TRAPPC9: variants seen among roughly 807,000 people sequenced by gnomAD.
The protein encoded by TRAPPC9 is IKK2 binding protein.
In TRAPPC9, 83 loss-of-function variants were observed where a neutral mutation model predicts 124.0. The observed-to-expected ratio is 0.67, with a 90% CI of 0.56 to 0.80. TRAPPC9 has a LOEUF of 0.80. Among genes scored for constraint, TRAPPC9 ranks in the 30% least tolerant of loss-of-function variants. TRAPPC9 has a pLI of 0.00. For missense variants in TRAPPC9, 1,302 were observed against 1,508.3 expected, an observed-to-expected ratio of 0.86 and a Z score of 2.27; for synonymous variants, 638 against 617.5, an observed-to-expected ratio of 1.03 and a Z score of -0.49.
chr8:140,044,995 C>A (rs1324998629), intron 17 of TRAPPC9, among the ~76,000 whole-genome samples: 1 of 152,148 alleles, frequency 6.6e-6, no homozygotes, highest in Non-Finnish European at 1.5e-5. Flanking sequence ...AAGGAATCGC[C>A]AAGATTGAAA....
intron 21 of TRAPPC9, among the ~76,000 whole-genome samples, chr8:139,771,446 G>A (rs1820954825): frequency 6.6e-6 from 1 of 152,158 alleles, no homozygotes; most frequent in African/African-American, 2.4e-5. Context: ...TGAACCCAGA[G>A]TGTCTAGGCA....
intron 15 of TRAPPC9, among the ~76,000 whole-genome samples, chr8:140,272,491 G>A (rs188897590): frequency 2.0e-4 from 30 of 150,384 alleles, no homozygotes; most frequent in East Asian, 1.3e-3. Context: ...TGGTGGCAGC[G>A]GTGATGCCGG....
intron 11 of TRAPPC9, among the ~76,000 whole-genome samples, chr8:140,299,886 A>C (rs754100466): frequency 6.6e-6 from 1 of 152,192 alleles, no homozygotes; most frequent in Non-Finnish European, 1.5e-5. Flanking sequence ...TGTTCACAAA[A>C]GAACATAACA....
chr8:140,070,773 A>G (rs1256504238), intron 17 of TRAPPC9, among the ~76,000 whole-genome samples: 1 of 152,226 alleles, frequency 6.6e-6, no homozygotes, highest in Admixed American at 6.5e-5. Context: ...AGAGCCACAC[A>G]TGATCAAAGC....
chr8:139,747,311 C>A (rs1236683552), intron 21 of TRAPPC9, among the ~76,000 whole-genome samples: 1 of 152,000 alleles, frequency 6.6e-6, no homozygotes, highest in Non-Finnish European at 1.5e-5. Context: ...CGGTCAGCAC[C>A]CAGGGGGTTT....
At chr8:140,410,963 T>G (rs952707416) in intron 5 of TRAPPC9, among the ~76,000 whole-genome samples, 9 of 152,098 alleles carry the variant, frequency 5.9e-5, no homozygotes, top group South Asian at 2.1e-4. Flanking sequence ...TAATGATATA[T>G]AAACAGCAAT....
intron 16 of TRAPPC9, among the ~76,000 whole-genome samples, chr8:140,226,490 G>T (rs573364377): frequency 6.6e-6 from 1 of 151,456 alleles, no homozygotes; most frequent in South Asian, 2.1e-4. Context: ...TACTGGGGAG[G>T]CTAAGACAGG....
At chr8:140,024,172 T>C (rs1360677613) in intron 17 of TRAPPC9, 93 bp from the exon 18 acceptor site, 1 of 1,478,284 alleles carries the variant, frequency 6.8e-7, no homozygotes, top group African/African-American at 1.4e-5. Flanking sequence ...TTAGGAAGAG[T>C]CTGAAGATAA....
chr8:140,071,644 C>T (rs4392876), intron 17 of TRAPPC9, among the ~76,000 whole-genome samples: 51,366 of 151,882 alleles, frequency 0.34, 10,635 homozygotes, highest in Middle Eastern at 0.53. Flanking sequence ...GGGACGGTAA[C>T]GCCTGCCCCA....
At chr8:139,869,148 A>T (rs980205234) in intron 21 of TRAPPC9, among the ~76,000 whole-genome samples, 7 of 152,248 alleles carry the variant, frequency 4.6e-5, no homozygotes, top group African/African-American at 1.7e-4. Flanking sequence ...CTTATGAATT[A>T]AAAAGACTTT....
chr8:140,217,163 G>A (rs923541020), intron 17 of TRAPPC9, among the ~76,000 whole-genome samples: 1 of 152,244 alleles, frequency 6.6e-6, no homozygotes, highest in East Asian at 1.9e-4. Flanking sequence ...GGGAGGGTCA[G>A]AAGGAAGCCT....
chr8:139,966,559 T>A (rs1279282198), intron 19 of TRAPPC9, among the ~76,000 whole-genome samples: 1 of 152,208 alleles, frequency 6.6e-6, no homozygotes, highest in Non-Finnish European at 1.5e-5. Context: ...TTGTGTTAAA[T>A]GGGTATAAAT....
In TRAPPC9 at chr8:140,152,536, A is replaced by AT. The variant is rs575784437; in HGVS notation, c.2556+68922dup. ...CCACCACGCCTGGCTAATTTTTTGT[A>AT]TTTTTTTTTTTTTAGTAGAGACGGG... On this transcript the variant is annotated intron_variant, in intron 17 of 22. Transcript: ENST00000438773. 6.7e-3 allele frequency among the ~76,000 whole-genome samples: 920 copies of AT among 137,760 alleles called. 6 individuals carry two copies. The highest frequency in any genetic ancestry group is 0.02 in the African/African-American group (756 of 37,652). The allele number at this position is 137,760 out of a possible 152,430, so 90.4% of individuals were successfully genotyped here. A position where few individuals can be genotyped will look rare whatever the true frequency, so the allele number is the denominator to read the frequency against.
chr8:139,830,430 C>T (rs570964560), intron 21 of TRAPPC9, among the ~76,000 whole-genome samples: 2 of 152,004 alleles, frequency 1.3e-5, no homozygotes, highest in Admixed American at 6.5e-5. Context: ...AGCATATGCA[C>T]GCAAATACAC....
intron 17 of TRAPPC9, among the ~76,000 whole-genome samples, chr8:140,044,289 G>A (rs11780605): frequency 0.72 from 101,569 of 140,352 alleles, 36,221 homozygotes; most frequent in African/African-American, 0.82. Context: ...AAAAAAAAAA[G>A]AAAAATCACA....
intron 17 of TRAPPC9, among the ~76,000 whole-genome samples, chr8:140,038,736 A>G (rs551046547): frequency 1.3e-5 from 2 of 152,350 alleles, no homozygotes; most frequent in South Asian, 4.1e-4. Context: ...AGCTGAGCAC[A>G]GAGGTCTCGA....
intron 19 of TRAPPC9, chr8:139,932,281 C>T: frequency 2.2e-6 from 1 of 457,108 alleles, no homozygotes; most frequent in South Asian, 1.5e-5. Flanking sequence ...CTCAGGGTAG[C>T]CACCATGGGA....
At chr8:139,867,240 GT>G (rs1828606126) in intron 21 of TRAPPC9, among the ~76,000 whole-genome samples, 2 of 152,192 alleles carry the variant, frequency 1.3e-5, no homozygotes, top group South Asian at 4.1e-4. Flanking sequence ...CAGAAAATAA[GT>G]GTGTGCTCAA....
chr8:139,984,316 C>T lies in TRAPPC9; in HGVS notation c.2810+4410G>A, dbSNP rs1431703046. On this transcript the variant is annotated intron_variant, in intron 19 of 22. Transcript: ENST00000438773. The surrounding 1 kb of genome is among the most constrained non-coding windows in gnomAD (Gnocchi z 4.3). ...GTAGCAGTGAGAGCACCACCTTCCG[C>T]TCCTGCTGGTAGCGATGAAGCTGGA... Among the ~76,000 whole-genome samples, 2 of 152,356 alleles carry T rather than the reference C, an allele frequency of 1.3e-5. No individual in the cohort carries two copies. The highest frequency in any genetic ancestry group is 2.4e-5 in the African/African-American group (1 of 41,576).
Sources: allele counts gnomAD v4.1 joint callset (sites outside exome capture counted in the v4.1 genomes callset), GRCh38; gene constraint gnomAD v4.1.1; non-coding constraint Gnocchi (gnomAD v3.1); transcripts MANE v1.5; gene names NCBI Gene and HGNC (gene_info 2026-07-23, HGNC 2026-07-21).